The following ADAM19 variants were observed in gnomAD, a reference collection of about 807,000 sequenced individuals.
ADAM19 encodes ADAM metallopeptidase domain 19.
Under a neutral mutation model 114.7 loss-of-function variants are expected in ADAM19, and 65 were observed. That is an observed-to-expected ratio of 0.57 (90% CI 0.46 to 0.70). The LOEUF is 0.70. Ranked by LOEUF, ADAM19 falls within the 30% of genes least tolerant of loss-of-function variation. The pLI, the probability that ADAM19 is intolerant of heterozygous loss-of-function variation, is 0.00. For missense variants in ADAM19, 1,063 were observed against 1,204.7 expected, an observed-to-expected ratio of 0.88 and a Z score of 1.74; for synonymous variants, 466 against 460.5, an observed-to-expected ratio of 1.01 and a Z score of -0.15.
intron 8 of ADAM19, among the ~76,000 whole-genome samples, chr5:157,510,959 C>T (rs907849703): frequency 1.3e-4 from 20 of 152,188 alleles, no homozygotes; most frequent in South Asian, 4.1e-4. Flanking sequence ...AGACTACAGA[C>T]GTTCTTGGTA....
intron 3 of ADAM19, among the ~76,000 whole-genome samples, chr5:157,544,981 G>A (rs1415512054): frequency 1.3e-5 from 2 of 152,210 alleles, no homozygotes; most frequent in African/African-American, 4.8e-5. Flanking sequence ...CACTGGAGCT[G>A]TGAGAATATG....
Position 157,477,580 on chromosome 5 carries a change from C to A in ADAM19, c.*3369G>T. On this transcript the variant is annotated 3_prime_UTR_variant, in exon 23 of 23. Coordinates refer to ENST00000257527, the MANE Select transcript of ADAM19 (RefSeq NM_033274.5). ...AATGTGGGCTTGGATTCTACAGAAC[C>A]TCTCCTTCGCAGGCTCCCCTGGGGA... 3 of 1,245,536 alleles carry A rather than the reference C, an allele frequency of 2.4e-6. No individual in the cohort carries two copies. The highest frequency in any genetic ancestry group is 3.1e-6 in the Non-Finnish European group (3 of 965,470). The allele number at this position is 1,245,536 out of a possible 1,614,324, so 77.2% of individuals were successfully genotyped here.
chr5:157,478,088 G>A lies in ADAM19; in HGVS notation c.*2861C>T, dbSNP rs1412131969. On this transcript the variant is annotated 3_prime_UTR_variant, in exon 23 of 23. Coordinates refer to ENST00000257527, the MANE Select transcript of ADAM19 (RefSeq NM_033274.5). ...AGGTTTGTTTTAGAGATGGCTCCAA[G>A]GCCCTTAAAAAAAAATTCTTGGGTT... The A allele has an allele frequency of 6.2e-6, 1 of 160,262 alleles. No individual in the cohort carries two copies. The highest frequency in any genetic ancestry group is 1.4e-5 in the Non-Finnish European group (1 of 72,822). The allele number at this position is 160,262 out of a possible 1,614,324, so 9.9% of individuals were successfully genotyped here.
chr5:157,537,669 T>C (rs1475219481), intron 4 of ADAM19, among the ~76,000 whole-genome samples: 4 of 152,248 alleles, frequency 2.6e-5, no homozygotes, highest in Non-Finnish European at 4.4e-5. Context: ...TTTGCATCAA[T>C]TGTAATTAGA....
intron 2 of ADAM19, chr5:157,566,845 A>T (rs1356934706): frequency 6.6e-6 from 1 of 152,038 alleles, no homozygotes; most frequent in Non-Finnish European, 1.5e-5. Context: ...GTATTTTTAA[A>T]TTTTTTGTAG....
chr5:157,540,224 C>G (rs973768743), intron 3 of ADAM19, among the ~76,000 whole-genome samples: 3 of 152,216 alleles, frequency 2.0e-5, no homozygotes, highest in African/African-American at 7.2e-5. Context: ...GTTTCTCTCT[C>G]TAACTTTCCC....
chr5:157,553,729 A>G (rs959708230), intron 3 of ADAM19, among the ~76,000 whole-genome samples: 1 of 144,406 alleles, frequency 6.9e-6, no homozygotes, highest in Non-Finnish European at 1.5e-5. Context: ...TCAGAAACCT[A>G]ACTGTCAGTT....
At position 157,523,679 on chromosome 5, in the gene ADAM19, T is replaced by C. The variant is rs1045585039; in HGVS notation, c.408-3648A>G. The stretch of plus-strand genomic sequence containing the variant: ...ATGCTTCTTGTATGGCTCGCAGAAC[T>C]GTAAGCCAAAATAAACCTCTTTTCT... On this transcript the variant is annotated intron_variant, in intron 5 of 22. Transcript: ENST00000257527. 3.3e-5 allele frequency among the ~76,000 whole-genome samples: 5 copies of C among 152,176 alleles called. No individual in the cohort carries two copies. In the South Asian group the frequency reaches 8.3e-4, roughly 25 times the overall value.
At position 157,486,464 on chromosome 5, in the gene ADAM19, C is replaced by T. The variant is rs548289631; in HGVS notation, c.2550+1801G>A. Among the ~76,000 whole-genome samples, 43 of 152,172 alleles carry T rather than the reference C, an allele frequency of 2.8e-4. No individual in the cohort carries two copies. In the East Asian group the frequency reaches 3.5e-3, roughly 12 times the overall value. ...CACTGGCTGGGCAGCTTCCTGCACCCGGGACTCCTGCCAGCAGTCCCAGGG... is the reference window on the plus strand; with the variant it reads ...CACTGGCTGGGCAGCTTCCTGCACCTGGGACTCCTGCCAGCAGTCCCAGGG... On this transcript the variant is annotated intron_variant, in intron 21 of 22. Coordinates refer to ENST00000257527, the MANE Select transcript of ADAM19 (RefSeq NM_033274.5).
intron 14 of ADAM19, among the ~76,000 whole-genome samples, 195 bp from the exon 15 acceptor site, chr5:157,494,990 A>T (rs906045407): frequency 3.8e-4 from 57 of 151,640 alleles, no homozygotes; most frequent in African/African-American, 1.3e-3. Flanking sequence ...TTTTATATAA[A>T]TCCTTTTTTT....
At chr5:157,550,914 A>G (rs191843143) in intron 3 of ADAM19, among the ~76,000 whole-genome samples, 233 of 152,332 alleles carry the variant, frequency 1.5e-3, no homozygotes, top group Admixed American at 3.0e-3. Context: ...TCTACTCTGC[A>G]CGTTTGATAA....
At chr5:157,512,699 C>T (rs1755959474) in intron 8 of ADAM19, among the ~76,000 whole-genome samples, 1 of 152,190 alleles carries the variant, frequency 6.6e-6, no homozygotes, top group Non-Finnish European at 1.5e-5. Flanking sequence ...TGTAAAAGGT[C>T]CTGACCTAGG....
intron 12 of ADAM19, among the ~76,000 whole-genome samples, chr5:157,500,955 AG>A (rs1755542984): frequency 6.6e-6 from 1 of 152,144 alleles, no homozygotes; most frequent in Non-Finnish European, 1.5e-5. Flanking sequence ...AGGCAAGTCC[AG>A]TAGCTGGCCG....
chr5:157,488,573 C>T (rs1755033053), intron 20 of ADAM19, 84 bp from the exon 21 acceptor site: 1 of 1,126,062 alleles, frequency 8.9e-7, no homozygotes, highest in Admixed American at 2.7e-5. Context: ...AACCAGAGCC[C>T]AAAGGGAGAA....
chr5:157,491,568 G>T, intron 18 of ADAM19, 47 bp downstream of exon 18: 1 of 1,343,012 alleles, frequency 7.4e-7, no homozygotes, highest in Non-Finnish European at 1.0e-6. Context: ...CCTGATGCCC[G>T]CTCTTCTCAC....
At chr5:157,539,169 A>AG (rs1491036364) in intron 3 of ADAM19, among the ~76,000 whole-genome samples, 5 of 151,390 alleles carry the variant, frequency 3.3e-5, no homozygotes, top group East Asian at 3.9e-4. Flanking sequence ...AAAAAAAAAA[A>AG]AGAGAGAGAG....
intron 8 of ADAM19, among the ~76,000 whole-genome samples, chr5:157,510,112 T>TTGCA (rs1755870618): frequency 6.6e-6 from 1 of 152,242 alleles, no homozygotes; most frequent in Non-Finnish European, 1.5e-5. Flanking sequence ...GAGGTATAAT[T>TTGCA]TGCATACCAT....
At chr5:157,484,231 T>C (rs527842066) in intron 21 of ADAM19, among the ~76,000 whole-genome samples, 1 of 152,206 alleles carries the variant, frequency 6.6e-6, no homozygotes, top group East Asian at 1.9e-4. Flanking sequence ...CTTACTGCCT[T>C]ACAACATATA....
At chr5:157,569,404 C>CTAGCTAAT (rs1169452500) in intron 2 of ADAM19, among the ~76,000 whole-genome samples, 3 of 142,286 alleles carry the variant, frequency 2.1e-5, no homozygotes, top group Non-Finnish European at 4.5e-5. Flanking sequence ...ACCCCTAGGT[C>CTAGCTAAT]TAGCTAATTT....
Sources: gnomAD v4.1 joint callset for allele counts (sites outside exome capture counted in the v4.1 genomes callset) on GRCh38, gnomAD v4.1.1 for gene constraint, MANE v1.5 for transcripts, NCBI Gene and HGNC (gene_info 2026-07-23, HGNC 2026-07-21) for gene names.